Variants in LOC400499 observed in about 807,000 individuals in gnomAD.
the LOC400499 span, among the ~76,000 whole-genome samples, chr16:11,497,825 G>A: frequency 0.9 from 135,920 of 151,804 alleles, 61,191 homozygotes; most frequent in African/African-American, 0.98. Flanking sequence ...ATTTTGAAAG[G>A]GAAATAAATT....
the LOC400499 span, among the ~76,000 whole-genome samples, chr16:11,410,192 G>A: frequency 2.0e-5 from 3 of 152,158 alleles, no homozygotes; most frequent in African/African-American, 7.2e-5. Flanking sequence ...AGTGGCTCAC[G>A]CCTGTAATCC....
chr16:11,414,464 C>T, the LOC400499 span: 2 of 400,266 alleles, frequency 5.0e-6, no homozygotes, highest in Non-Finnish European at 8.8e-6. Context: ...ATGCTGACTC[C>T]ACTGTCCCCA....
chr16:11,461,213 G>A, the LOC400499 span: 2 of 1,424,930 alleles, frequency 1.4e-6, no homozygotes, highest in Non-Finnish European at 1.8e-6. Context: ...TATCACCGAG[G>A]GGCCTTGGGG....
the LOC400499 span, among the ~76,000 whole-genome samples, chr16:11,516,980 T>TCA: frequency 1.3e-5 from 2 of 152,198 alleles, no homozygotes; most frequent in Non-Finnish European, 2.9e-5. Context: ...CTGTATTTGT[T>TCA]GAGAAACAGC....
the LOC400499 span, chr16:11,431,113 G>A: frequency 5.6e-4 from 225 of 399,110 alleles, no homozygotes; most frequent in Non-Finnish European, 6.9e-4. Context: ...GCCAGCCACC[G>A]TGTGCCGGGT....
the LOC400499 span, among the ~76,000 whole-genome samples, chr16:11,445,076 G>A: frequency 1.5e-5 from 2 of 134,218 alleles, no homozygotes; most frequent in South Asian, 2.6e-4. Context: ...GTGACAGAGT[G>A]AGACTTTGTC....
At chr16:11,399,463 T>C in the LOC400499 span, 5 of 400,024 alleles carry the variant, frequency 1.2e-5, no homozygotes, top group Middle Eastern at 6.3e-4. Context: ...GCTGCTCCCC[T>C]GACCTCACCT....
the LOC400499 span, among the ~76,000 whole-genome samples, chr16:11,406,910 G>A: frequency 7.2e-5 from 11 of 152,200 alleles, no homozygotes; most frequent in East Asian, 1.7e-3. Flanking sequence ...GTGTGATTTC[G>A]GGGAGTCAAT....
At chr16:11,393,685 G>A in the LOC400499 span, 2 of 778,218 alleles carry the variant, frequency 2.6e-6, no homozygotes, top group Non-Finnish European at 3.5e-6. Context: ...AGGGAACCAA[G>A]GGAAGGCACA....
At chr16:11,386,706 G>A in the LOC400499 span, among the ~76,000 whole-genome samples, 2 of 152,220 alleles carry the variant, frequency 1.3e-5, no homozygotes, top group Non-Finnish European at 2.9e-5. Context: ...GGAGGAAACC[G>A]AGTCCCACAG....
At chr16:11,441,626 TGAG>T in the LOC400499 span, among the ~76,000 whole-genome samples, 73,018 of 151,726 alleles carry the variant, frequency 0.48, 17,784 homozygotes, top group South Asian at 0.6. Flanking sequence ...GATCTTGAGA[TGAG>T]GAGATTATCT....
the LOC400499 span, chr16:11,475,854 G>A: frequency 1.8e-5 from 7 of 388,564 alleles, no homozygotes; most frequent in African/African-American, 1.4e-4. Flanking sequence ...TGCACACGCT[G>A]GTGTGGTGAC....
chr16:11,460,563 G>A, the LOC400499 span: 61 of 1,535,262 alleles, frequency 4.0e-5, no homozygotes, highest in Non-Finnish European at 4.7e-5. Flanking sequence ...CTGTCTGCCC[G>A]CAGCTTCTGG....
chr16:11,436,411 G>C, the LOC400499 span, among the ~76,000 whole-genome samples: 4 of 152,108 alleles, frequency 2.6e-5, no homozygotes, highest in East Asian at 3.9e-4. Flanking sequence ...GAAGGGAGCA[G>C]TGGGGAGGGG....
chr16:11,435,015 T>C, the LOC400499 span, among the ~76,000 whole-genome samples: 17 of 152,376 alleles, frequency 1.1e-4, no homozygotes, highest in Admixed American at 4.6e-4. Flanking sequence ...CATTTCACTA[T>C]TGCCCAGGCT....
At chr16:11,520,340 A>C in the LOC400499 span, among the ~76,000 whole-genome samples, 1 of 152,196 alleles carries the variant, frequency 6.6e-6, no homozygotes, top group Non-Finnish European at 1.5e-5. Context: ...AAAGACAGGC[A>C]AAACTCATCT....
the LOC400499 span, among the ~76,000 whole-genome samples, chr16:11,527,166 G>C: frequency 6.6e-6 from 1 of 152,174 alleles, no homozygotes; most frequent in South Asian, 2.1e-4. Flanking sequence ...AGTCCCACGG[G>C]GGCCGGCATC....
At chr16:11,457,019 C>G in the LOC400499 span, 6 of 1,532,534 alleles carry the variant, frequency 3.9e-6, no homozygotes, top group East Asian at 1.5e-4. Flanking sequence ...CCACCTGCCT[C>G]TCAGGCACCT....
chr16:11,525,296 A>G, the LOC400499 span, among the ~76,000 whole-genome samples: 1 of 149,302 alleles, frequency 6.7e-6, no homozygotes, highest in African/African-American at 2.5e-5. Context: ...TTGTCCCAAA[A>G]AAAAAAAAAA....
Sources: allele counts gnomAD v4.1 joint callset (sites outside exome capture counted in the v4.1 genomes callset), GRCh38; gene constraint gnomAD v4.1.1; transcripts MANE v1.5.